Variants in GPR39 observed in about 807,000 individuals in gnomAD.
GPR39 encodes zinc sensing receptor.
Under a neutral mutation model 18.4 loss-of-function variants are expected in GPR39, and 23 were observed. The ratio of observed to expected loss-of-function variants is 1.25; its 90% confidence interval spans 0.90 to 1.77. The LOEUF (loss-of-function observed/expected upper bound fraction) is 1.77, where lower values mean the gene tolerates loss of function less well. Among genes scored for constraint, GPR39 ranks in the 40% most tolerant of loss-of-function variants. GPR39 has a pLI of 0.00. For missense variants in GPR39, 647 were observed against 602.4 expected, an observed-to-expected ratio of 1.07 and a Z score of -0.78; for synonymous variants, 280 against 257.9, an observed-to-expected ratio of 1.09 and a Z score of -0.82.
intron 1 of GPR39, among the ~76,000 whole-genome samples, chr2:132,454,146 T>C (rs1680678548): frequency 6.6e-6 from 1 of 152,230 alleles, no homozygotes; most frequent in Non-Finnish European, 1.5e-5. Flanking sequence ...TTGTGTCCTC[T>C]TTTATTTTGT....
At chr2:132,607,409 G>C (rs1438162606) in intron 1 of GPR39, among the ~76,000 whole-genome samples, 3 of 152,160 alleles carry the variant, frequency 2.0e-5, no homozygotes, top group Non-Finnish European at 2.9e-5. Flanking sequence ...AGAGTTAGAG[G>C]GAGGAGAGTA....
chr2:132,530,989 A>T (rs989426072), intron 1 of GPR39, among the ~76,000 whole-genome samples: 56 of 152,374 alleles, frequency 3.7e-4, no homozygotes, highest in African/African-American at 1.3e-3. Flanking sequence ...ACAGGATCAG[A>T]TTCACACATA....
chr2:132,508,398 AC>A (rs1162837781), intron 1 of GPR39, among the ~76,000 whole-genome samples: 1 of 152,160 alleles, frequency 6.6e-6, no homozygotes, highest in Non-Finnish European at 1.5e-5. Flanking sequence ...TCCTGAAGGA[AC>A]ATAGACTTCT....
chr2:132,460,456 A>G (rs1285135200), intron 1 of GPR39, among the ~76,000 whole-genome samples: 20 of 152,196 alleles, frequency 1.3e-4, no homozygotes. Flanking sequence ...AGTAGAATGG[A>G]AAATGTACAT....
At chr2:132,547,620 T>C (rs563944795) in intron 1 of GPR39, among the ~76,000 whole-genome samples, 4 of 152,340 alleles carry the variant, frequency 2.6e-5, no homozygotes, top group South Asian at 4.1e-4. Context: ...ATTAATAAGA[T>C]AGTTCAGCTA....
chr2:132,450,186 G>A (rs1680607986), intron 1 of GPR39, among the ~76,000 whole-genome samples: 1 of 152,186 alleles, frequency 6.6e-6, no homozygotes, highest in Admixed American at 6.5e-5. Flanking sequence ...TGAAAGTGCT[G>A]GAATCAAAAC....
chr2:132,576,189 TTATA>T (rs1403796195), intron 1 of GPR39, among the ~76,000 whole-genome samples: 1 of 152,212 alleles, frequency 6.6e-6, no homozygotes, highest in African/African-American at 2.4e-5. Flanking sequence ...TGAGAGTTGT[TTATA>T]TATTCTAGGT....
chr2:132,467,495 C>T (rs1680948586), intron 1 of GPR39, among the ~76,000 whole-genome samples: 1 of 152,022 alleles, frequency 6.6e-6, no homozygotes, highest in South Asian at 2.1e-4. Context: ...TCATTCATAC[C>T]CCAAACCTCA....
chr2:132,417,783 G>A lies in GPR39; in HGVS notation c.741G>A (p.Gln247=). 7 of 1,614,170 alleles carry A rather than the reference G, an allele frequency of 4.3e-6. No individual in the cohort carries two copies. Among genetic ancestry groups the A allele is most frequent in the African/African-American group, 1.3e-5 (1 of 75,062 alleles). Residue 247 remains glutamine, a synonymous_variant, in exon 1 of 2, where the codon CAG becomes CAA. Transcript: ENST00000329321. ...CCTTCATGTGCTGGAACATGATGCAGGTGCTCATGAAAAGCCAGAAGGGCT... is the reference window on the plus strand; with the variant it reads ...CCTTCATGTGCTGGAACATGATGCAAGTGCTCATGAAAAGCCAGAAGGGCT... The part of the protein sequence containing the change: ...SVAFMCWNMM[Q]VLMKSQKGSL...
At chr2:132,422,263 TTCGAGCAAA>T (rs1159044741) in intron 1 of GPR39, among the ~76,000 whole-genome samples, 1 of 152,228 alleles carries the variant, frequency 6.6e-6, no homozygotes, top group Non-Finnish European at 1.5e-5. Context: ...TCTGGTCTAA[TTCGAGCAAA>T]TCTTTGCTTG....
intron 1 of GPR39, among the ~76,000 whole-genome samples, chr2:132,578,632 T>C (rs1016971854): frequency 3.9e-5 from 6 of 152,168 alleles, no homozygotes; most frequent in African/African-American, 1.4e-4. Context: ...AGTATTTTCT[T>C]TGAGTGACTG....
At chr2:132,471,486 C>T (rs1053784276) in intron 1 of GPR39, among the ~76,000 whole-genome samples, 1 of 152,100 alleles carries the variant, frequency 6.6e-6, no homozygotes, top group Middle Eastern at 3.2e-3. Context: ...GATGCACAGC[C>T]TCCACAAATA....
chr2:132,631,904 C>T (rs752864469), intron 1 of GPR39, among the ~76,000 whole-genome samples: 15 of 151,414 alleles, frequency 9.9e-5, no homozygotes, highest in Non-Finnish European at 2.1e-4. Context: ...CTCACTGCAA[C>T]CTCTGCCTCC....
At chr2:132,495,490 C>G (rs568160707) in intron 1 of GPR39, among the ~76,000 whole-genome samples, 28 of 152,240 alleles carry the variant, frequency 1.8e-4, no homozygotes, top group African/African-American at 6.3e-4. Context: ...CTCGACTTGC[C>G]CTTACTGGCC....
intron 1 of GPR39, among the ~76,000 whole-genome samples, chr2:132,453,120 C>A (rs1197552542): frequency 6.6e-6 from 1 of 152,198 alleles, no homozygotes; most frequent in Non-Finnish European, 1.5e-5. Context: ...GTTCCTATTT[C>A]TCTACATCCT....
chr2:132,625,161 T>A (rs72844706), intron 1 of GPR39, among the ~76,000 whole-genome samples: 21,231 of 151,742 alleles, frequency 0.14, 1,725 homozygotes, highest in Middle Eastern at 0.23. Flanking sequence ...CCTCTACCTT[T>A]CTTAATTTGG....
intron 1 of GPR39, among the ~76,000 whole-genome samples, chr2:132,633,325 A>G (rs1681684957): frequency 7.2e-6 from 1 of 138,834 alleles, no homozygotes; most frequent in Non-Finnish European, 1.5e-5. Flanking sequence ...TTATCTTTAA[A>G]CTCCAAATAC....
intron 1 of GPR39, among the ~76,000 whole-genome samples, chr2:132,433,290 A>G (rs1387290979): frequency 6.6e-6 from 1 of 152,178 alleles, no homozygotes; most frequent in Admixed American, 6.5e-5. Flanking sequence ...TTAAATCATA[A>G]CTGCATAAAA....
In GPR39 at chr2:132,645,617, A is replaced by G; in HGVS notation, c.*11A>G. 6.2e-7 allele frequency: 1 copy of G among 1,604,354 alleles called. No individual in the cohort carries two copies. Among genetic ancestry groups the G allele is most frequent in the Non-Finnish European group, 8.5e-7 (1 of 1,174,952 alleles). ...GAGCATGAAGTTTGAATGTCAAGCG[A>G]GGGAGCCTTGAGTGGGAACTGGCCC... is the stretch of plus-strand genomic sequence containing the variant. On this transcript the variant is annotated 3_prime_UTR_variant, in exon 2 of 2. Coordinates refer to ENST00000329321, the MANE Select transcript of GPR39 (RefSeq NM_001508.3).
Sources: allele counts gnomAD v4.1 joint callset (sites outside exome capture counted in the v4.1 genomes callset), GRCh38; gene constraint gnomAD v4.1.1; transcripts MANE v1.5; gene names NCBI Gene and HGNC (gene_info 2026-07-23, HGNC 2026-07-21).